FAM153A: variants seen among roughly 807,000 people sequenced by gnomAD.
The protein encoded by FAM153A is protein FAM153A.
In FAM153A, 12 loss-of-function variants were observed where a neutral mutation model predicts 48.1. That is an observed-to-expected ratio of 0.25 (90% CI 0.16 to 0.40). FAM153A has a LOEUF of 0.40. Ranked by LOEUF, FAM153A falls within the 10% of genes least tolerant of loss-of-function variation. FAM153A has a pLI of 1.00. For synonymous variants in FAM153A, 36 were observed against 118.2 expected (o/e 0.30, Z 4.51); for missense variants, 111 against 345.8 (o/e 0.32, Z 5.38).
At chr5:177,711,075 A>G (rs2127551197) in exon 27 of FAM153A, 1 of 151,986 alleles carries the variant, frequency 6.6e-6, no homozygotes, top group East Asian at 1.9e-4. Flanking sequence ...TTCCATAGCA[A>G]TGTTTAATGC....
In FAM153A at chr5:177,734,853, T is replaced by A; in HGVS notation, c.735+10A>T. 1 of 1,448,698 alleles carries A rather than the reference T, an allele frequency of 6.9e-7. No homozygotes were observed. 89.7% of individuals were successfully genotyped at this position (1,448,698 alleles called of 1,614,324 possible). On this transcript the variant is annotated intron_variant, in intron 13 of 20. Coordinates refer to ENST00000614127, the Ensembl canonical transcript of FAM153A. ...ACAGTTTTTTCTCAGACAAATCCAG[T>A]TGGCCTGACCTTCACCTCCTCTGGG...
At chr5:177,735,139 C>A (rs1425259700) in intron 12 of FAM153A, among the ~76,000 whole-genome samples, 1 of 150,092 alleles carries the variant, frequency 6.7e-6, no homozygotes, top group African/African-American at 2.5e-5. Context: ...CCACGCAGTG[C>A]AGGCTGTGTG....
rs1184838087 is a variant in FAM153A, at chr5:177,771,814, T to G, written c.-57+8635A>C. On this transcript the variant is annotated intron_variant, in intron 1 of 8. Transcript: ENST00000393518. Reference sequence around the variant, plus strand: ...TACTGAGTCTCTAATGAGATTCTGGTACTGGTAGACATCACTGCACATGGG... The same window carrying G: ...TACTGAGTCTCTAATGAGATTCTGGGACTGGTAGACATCACTGCACATGGG... Among the ~76,000 whole-genome samples, 101 of 96,046 alleles carry G rather than the reference T, an allele frequency of 1.1e-3. 35 individuals carry two copies. Among genetic ancestry groups the G allele is most frequent in the Non-Finnish European group, 1.3e-3 (62 of 46,512 alleles). 63.0% of individuals were successfully genotyped at this position (96,046 alleles called of 152,430 possible). A position where few individuals can be genotyped will look rare whatever the true frequency, so the allele number is the denominator to read the frequency against.
the FAM153A span, among the ~76,000 whole-genome samples, chr5:177,699,907 A>C: frequency 1.3e-5 from 2 of 151,990 alleles, no homozygotes; most frequent in African/African-American, 4.8e-5. Flanking sequence ...AAACACAAGA[A>C]GGAAAACTAC....
At chr5:177,745,218 C>T in intron 4 of FAM153A, 1 of 90,968 alleles carries the variant, frequency 1.1e-5, no homozygotes, top group Non-Finnish European at 1.8e-5. Flanking sequence ...CCTTCCTAAT[C>T]TGACCTGAGC....
chr5:177,735,352 TACTA>T (rs1764544094), intron 12 of FAM153A, among the ~76,000 whole-genome samples: 1 of 122,316 alleles, frequency 8.2e-6, no homozygotes, highest in Non-Finnish European at 1.7e-5. Flanking sequence ...AAGATTTTAT[TACTA>T]ACTTTCTGGT....
chr5:177,709,020 G>A (rs1299572915), downstream of FAM153A, among the ~76,000 whole-genome samples: 7 of 140,254 alleles, frequency 5.0e-5, no homozygotes, highest in South Asian at 2.5e-4. Context: ...ACTTGAACCC[G>A]GGGGGCAGAG....
rs544157437 is a variant in FAM153A, at chr5:177,770,021, G to A, written c.-57+10428C>T. ...TCACCTCACACAAAGCAAAACTGCC[G>A]TCCCTCACGACACAGAATCTAGTTG... On this transcript the variant is annotated intron_variant, in intron 1 of 8. Coordinates refer to the FAM153A transcript ENST00000393518. Among the ~76,000 whole-genome samples the A allele has an allele frequency of 2.2e-4, 23 of 102,970 alleles. 3 individuals are homozygous for A. The South Asian group carries it at 2.7e-3, about 12-fold the overall frequency. The allele number at this position is 102,970 out of a possible 152,430, so 67.6% of individuals were successfully genotyped here. A position where few individuals can be genotyped will look rare whatever the true frequency, so the allele number is the denominator to read the frequency against.
chr5:177,695,796 A>T, the FAM153A span, among the ~76,000 whole-genome samples: 1 of 151,742 alleles, frequency 6.6e-6, no homozygotes, highest in Non-Finnish European at 1.5e-5. Context: ...TACACCTCCC[A>T]GATGGGGCGG....
At chr5:177,758,649 C>T (rs536598646) in intron 1 of FAM153A, among the ~76,000 whole-genome samples, 16 of 149,858 alleles carry the variant, frequency 1.1e-4, no homozygotes, top group Non-Finnish European at 2.1e-4. Context: ...TGGAACAGAA[C>T]AGAGCCCTCA....
At chr5:177,753,904 C>T (rs1042181298), upstream of FAM153A, among the ~76,000 whole-genome samples, 4 of 151,888 alleles carry the variant, frequency 2.6e-5, no homozygotes, top group Non-Finnish European at 4.4e-5. Context: ...CAGCTCCCAG[C>T]GTGAGTGATG....
intron 1 of FAM153A, among the ~76,000 whole-genome samples, chr5:177,758,445 T>A (rs1449526152): frequency 6.8e-6 from 1 of 146,864 alleles, no homozygotes; most frequent in South Asian, 2.3e-4. Flanking sequence ...AATCTACCAA[T>A]GACTTTCTTC....
intron 1 of FAM153A, among the ~76,000 whole-genome samples, chr5:177,761,353 G>C (rs1403746335): frequency 6.6e-6 from 1 of 151,756 alleles, no homozygotes; most frequent in Non-Finnish European, 1.5e-5. Flanking sequence ...GAAAAGGGCA[G>C]GCCATCCTAG....
At chr5:177,731,706 A>G in intron 15 of FAM153A, 107 bp from the exon 18 acceptor site, 1 of 178,398 alleles carries the variant, frequency 5.6e-6, no homozygotes, top group South Asian at 9.2e-5. Context: ...TGGTTGAGAC[A>G]ATGGCCCCGG....
intron 1 of FAM153A, among the ~76,000 whole-genome samples, chr5:177,768,896 G>A (rs190814600): frequency 0.064 from 6,479 of 101,538 alleles, 450 homozygotes; most frequent in Middle Eastern, 0.069. Context: ...CTCATTACAT[G>A]GGCATTGTAT....
chr5:177,702,045 C>G, the FAM153A span, among the ~76,000 whole-genome samples: 1 of 151,528 alleles, frequency 6.6e-6, no homozygotes, highest in Non-Finnish European at 1.5e-5. Context: ...GTAGCTGGGA[C>G]TACAGGCGCC....
chr5:177,708,373 T>C (rs1258632363), downstream of FAM153A, among the ~76,000 whole-genome samples: 344 of 151,026 alleles, frequency 2.3e-3, 2 homozygotes, highest in Non-Finnish European at 3.6e-3. Flanking sequence ...GTTGTGAGTT[T>C]GAGACCAGCC....
the FAM153A span, among the ~76,000 whole-genome samples, chr5:177,700,478 G>A: frequency 5.3e-5 from 8 of 151,852 alleles, no homozygotes; most frequent in African/African-American, 1.9e-4. Context: ...AAGGAGTTCA[G>A]CAAGGTTTCA....
chr5:177,754,949 C>T (rs199783795), upstream of FAM153A, among the ~76,000 whole-genome samples: 11 of 151,930 alleles, frequency 7.2e-5, no homozygotes, highest in Admixed American at 1.3e-4. Flanking sequence ...TCCAAAGGAA[C>T]GCAGCTCCTC....
Sources: allele counts gnomAD v4.1 joint callset (sites outside exome capture counted in the v4.1 genomes callset), GRCh38; gene constraint gnomAD v4.1.1; transcripts MANE v1.5; gene names NCBI Gene and HGNC (gene_info 2026-07-23, HGNC 2026-07-21).